The following CADM1 variants were observed in gnomAD, a reference collection of about 807,000 sequenced individuals.
The protein encoded by CADM1 is TSLC-1.
In CADM1, 15 loss-of-function variants were observed where a neutral mutation model predicts 53.1. That is an observed-to-expected ratio of 0.28 (90% CI 0.19 to 0.44). The LOEUF (loss-of-function observed/expected upper bound fraction) is 0.44, where lower values mean the gene tolerates loss of function less well. CADM1 is among the 20% of genes least tolerant of loss of function. CADM1 has a pLI of 1.00. For synonymous variants in CADM1, 281 were observed against 243.0 expected, an observed-to-expected ratio of 1.16 and a Z score of -1.45; for missense variants, 434 against 611.3, an observed-to-expected ratio of 0.71 and a Z score of 3.06.
intron 1 of CADM1, chr11:115,287,268 A>C (rs11215466): frequency 0.3 from 45,006 of 152,056 alleles, 7,588 homozygotes; most frequent in East Asian, 0.66. Flanking sequence ...GAACTCTAAC[A>C]CCTGCCTCCA....
intron 11 of CADM1, among the ~76,000 whole-genome samples, chr11:115,177,582 C>A (rs897242454): frequency 6.6e-6 from 1 of 151,868 alleles, no homozygotes; most frequent in South Asian, 2.1e-4. Context: ...TTTTTTCTTG[C>A]TGCAGAGTGA....
intron 1 of CADM1, among the ~76,000 whole-genome samples, chr11:115,317,291 C>T (rs1458324070): frequency 6.6e-6 from 1 of 152,158 alleles, no homozygotes; most frequent in Non-Finnish European, 1.5e-5. Context: ...ACTGAATACA[C>T]AACACCTGGA....
intron 1 of CADM1, among the ~76,000 whole-genome samples, chr11:115,488,686 T>C (rs1036077761): frequency 5.3e-5 from 8 of 152,202 alleles, no homozygotes; most frequent in Non-Finnish European, 1.0e-4. Flanking sequence ...AAAGGAAACC[T>C]ACTTTCTGTT....
intron 1 of CADM1, among the ~76,000 whole-genome samples, chr11:115,392,981 G>C (rs774746430): frequency 1.4e-5 from 2 of 147,948 alleles, no homozygotes; most frequent in Non-Finnish European, 3.0e-5. Context: ...TGGGCCAGGA[G>C]CTCAGGGCTG....
At chr11:115,209,024 GGA>G (rs1940826755) in intron 8 of CADM1, among the ~76,000 whole-genome samples, 1 of 152,228 alleles carries the variant, frequency 6.6e-6, no homozygotes, top group African/African-American at 2.4e-5. Context: ...TGCTCAGCAT[GGA>G]AAAGACAGTG....
Position 115,206,758 on chromosome 11 carries a change from C to CTTTTTTTTTTTTTTTTTTTTTTTT in CADM1, c.1078+2792_1078+2815dup, listed in dbSNP as rs56270694. 1.8e-4 allele frequency among the ~76,000 whole-genome samples: 7 copies of CTTTTTTTTTTTTTTTTTTTTTTTT among 38,232 alleles called. 2 individuals are homozygous for CTTTTTTTTTTTTTTTTTTTTTTTT. The highest frequency in any genetic ancestry group is 2.8e-3 in the East Asian group (2 of 716). 25.1% of individuals were successfully genotyped at this position (38,232 alleles called of 152,430 possible). A position where few individuals can be genotyped will look rare whatever the true frequency, so the allele number is the denominator to read the frequency against. On this transcript the variant is annotated intron_variant, in intron 8 of 11. Coordinates refer to ENST00000331581, the MANE Select transcript of CADM1 (RefSeq NM_001301043.2). ...AAAAGAAATAGATGACTGTGGACTT[C>CTTTTTTTTTTTTTTTTTTTTTTTT]TTTTTTTTTTTTTTTTTTTTTTTTT...
chr11:115,422,329 A>C (rs1217430314), intron 1 of CADM1, among the ~76,000 whole-genome samples: 1 of 152,206 alleles, frequency 6.6e-6, no homozygotes, highest in East Asian at 1.9e-4. Flanking sequence ...ATCAGGTGTG[A>C]ATATGTTCGT....
chr11:115,445,373 A>G (rs1436198918), intron 1 of CADM1, among the ~76,000 whole-genome samples: 1 of 152,144 alleles, frequency 6.6e-6, no homozygotes, highest in East Asian at 1.9e-4. Context: ...TCTTATATAG[A>G]CAATAGAGGT....
intron 1 of CADM1, among the ~76,000 whole-genome samples, chr11:115,398,586 ATTAT>A (rs1947061879): frequency 6.6e-6 from 1 of 152,232 alleles, no homozygotes; most frequent in Non-Finnish European, 1.5e-5. Flanking sequence ...CAATGTGACA[ATTAT>A]TTAAAGAATC....
intron 1 of CADM1, among the ~76,000 whole-genome samples, chr11:115,272,806 G>A (rs1227230898): frequency 1.3e-5 from 2 of 150,788 alleles, no homozygotes; most frequent in African/African-American, 2.4e-5. Context: ...GCTAGATGAC[G>A]AGTTAGTGGG....
At chr11:115,346,015 T>C (rs1945567003) in intron 1 of CADM1, among the ~76,000 whole-genome samples, 1 of 152,220 alleles carries the variant, frequency 6.6e-6, no homozygotes. Context: ...CAGTACATTA[T>C]CTGTTGATCA....
intron 1 of CADM1, among the ~76,000 whole-genome samples, chr11:115,351,106 G>A (rs930462837): frequency 2.8e-5 from 4 of 143,876 alleles, no homozygotes; most frequent in African/African-American, 1.0e-4. Context: ...TTGGCAGATA[G>A]ACATGGTTGC....
chr11:115,253,483 C>G (rs906782450), intron 1 of CADM1, among the ~76,000 whole-genome samples: 1 of 152,038 alleles, frequency 6.6e-6, no homozygotes, highest in Admixed American at 6.6e-5. Flanking sequence ...TGACATCAAA[C>G]AAAGAAAAGT....
intron 1 of CADM1, among the ~76,000 whole-genome samples, chr11:115,330,345 T>TCATAA (rs1945099133): frequency 6.6e-6 from 1 of 152,228 alleles, no homozygotes; most frequent in African/African-American, 2.4e-5. Flanking sequence ...TATAACTGTC[T>TCATAA]CATAAAGGAA....
intron 1 of CADM1, among the ~76,000 whole-genome samples, chr11:115,259,356 A>G (rs1436224242): frequency 8.3e-6 from 1 of 120,786 alleles, no homozygotes; most frequent in Non-Finnish European, 1.6e-5. Flanking sequence ...CCCAGGCTGG[A>G]GCACAGTGGT....
intron 1 of CADM1, among the ~76,000 whole-genome samples, chr11:115,269,404 T>TC (rs1943237496): frequency 6.6e-6 from 1 of 152,210 alleles, no homozygotes; most frequent in Non-Finnish European, 1.5e-5. Context: ...TTCGATGCCC[T>TC]CTTTGTAGGC....
chr11:115,317,919 C>T (rs1054430019), intron 1 of CADM1, among the ~76,000 whole-genome samples: 1 of 151,776 alleles, frequency 6.6e-6, no homozygotes, highest in Admixed American at 6.6e-5. Context: ...ATTGTACTAC[C>T]AACTTAGTTT....
intron 6 of CADM1, among the ~76,000 whole-genome samples, chr11:115,216,468 G>T (rs1941188083): frequency 6.6e-6 from 1 of 152,100 alleles, no homozygotes; most frequent in South Asian, 2.1e-4. Context: ...AGAGGCCTCT[G>T]AGAATTTTTT....
At chr11:115,468,348 A>G (rs1948939552) in intron 1 of CADM1, among the ~76,000 whole-genome samples, 1 of 152,232 alleles carries the variant, frequency 6.6e-6, no homozygotes, top group Admixed American at 6.5e-5. Context: ...AAAAGCTTGA[A>G]GATAGTAGAT....
Sources: allele counts gnomAD v4.1 joint callset (sites outside exome capture counted in the v4.1 genomes callset), GRCh38; gene constraint gnomAD v4.1.1; transcripts MANE v1.5; gene names NCBI Gene and HGNC (gene_info 2026-07-23, HGNC 2026-07-21).